Variants in TYW3 observed in about 807,000 individuals in gnomAD.
The protein encoded by TYW3 is tRNA wybutosine-synthesizing protein 3 homolog.
Under a neutral mutation model 23.1 loss-of-function variants are expected in TYW3, and 26 were observed. The observed-to-expected ratio is 1.13, with a 90% CI of 0.83 to 1.56. The LOEUF is 1.56. TYW3 is among the 40% of genes most tolerant of loss of function. The probability of loss-of-function intolerance (pLI) is 0.00; values close to 1 mark genes in which losing one functional copy is unlikely to be tolerated. For synonymous variants in TYW3, 102 were observed against 105.7 expected (o/e 0.97, Z 0.21); for missense variants, 316 against 311.9 (o/e 1.01, Z -0.10).
At chr1:74,740,995 G>C (rs941703550) in intron 3 of TYW3, among the ~76,000 whole-genome samples, 1 of 98,872 alleles carries the variant, frequency 1.0e-5, no homozygotes, top group Non-Finnish European at 1.9e-5. Flanking sequence ...CTGCTGGATA[G>C]GGGTGAAGAA....
In TYW3 at chr1:74,738,674, C is replaced by A. The variant is rs531959275; in HGVS notation, c.256-16C>A. The stretch of plus-strand genomic sequence containing the variant: ...GGCCATATACTTGCATCTGATACCA[C>A]TGTTCATTTATTTAGATTGTAGCTC... On this transcript the variant is annotated splice_polypyrimidine_tract_variant and intron_variant, in intron 2 of 5. Coordinates refer to ENST00000370867, the MANE Select transcript of TYW3 (RefSeq NM_138467.3). The A allele has an allele frequency of 1.3e-6, 2 of 1,581,686 alleles. No individual in the cohort carries two copies. Among genetic ancestry groups the A allele is most frequent in the East Asian group, 2.2e-5 (1 of 44,510 alleles).
intron 1 of TYW3, 118 bp from the exon 2 acceptor site, chr1:74,736,424 A>G (rs1557741185): frequency 1.2e-5 from 8 of 648,026 alleles, no homozygotes; most frequent in Admixed American, 4.1e-5. Context: ...TTTTATTAAT[A>G]CTTAAAATCC....
chr1:74,733,258 C>A lies in TYW3; in HGVS notation c.14C>A (p.Ala5Glu), dbSNP rs1482245307. The A allele has an allele frequency of 6.2e-7, 1 of 1,614,006 alleles. No individual in the cohort carries two copies. MDRS[A>E]EFRKWKAQCL... ...AGTCCGTCACCCATGGATCGCAGCG[C>A]GGAGTTCAGGAAATGGAAGGCGCAA... The change falls in exon 1 of 6, where the codon GCG (alanine) becomes GAG (glutamate). Residue 5 changes from alanine to glutamate, a missense_variant. By Grantham distance (107) the Ala-to-Glu change is moderately radical. Coordinates refer to ENST00000370867, the MANE Select transcript of TYW3 (RefSeq NM_138467.3).
At chr1:74,754,707 A>G (rs1648897548) in intron 5 of TYW3, among the ~76,000 whole-genome samples, 1 of 152,130 alleles carries the variant, frequency 6.6e-6, no homozygotes, top group African/African-American at 2.4e-5. Flanking sequence ...GAATATTTTT[A>G]ATAAAAAAAA....
At chr1:74,741,458 A>C (rs1222972607) in intron 3 of TYW3, among the ~76,000 whole-genome samples, 2 of 151,600 alleles carry the variant, frequency 1.3e-5, no homozygotes, top group Non-Finnish European at 2.9e-5. Flanking sequence ...CCAAGATTCC[A>C]CTCCTGCCAT....
At chr1:74,740,670 G>A (rs551635064) in intron 3 of TYW3, among the ~76,000 whole-genome samples, 26 of 152,104 alleles carry the variant, frequency 1.7e-4, no homozygotes, top group African/African-American at 5.3e-4. Context: ...GACACAGAGC[G>A]CTGATTGGTG....
At chr1:74,752,838 T>C (rs1648833235) in intron 5 of TYW3, among the ~76,000 whole-genome samples, 1 of 152,180 alleles carries the variant, frequency 6.6e-6, no homozygotes, top group South Asian at 2.1e-4. Context: ...GGGAACAGCC[T>C]GGTTGACTTT....
At chr1:74,756,465 CAA>C (rs1276678404) in intron 5 of TYW3, among the ~76,000 whole-genome samples, 15 of 152,116 alleles carry the variant, frequency 9.9e-5, no homozygotes, top group Non-Finnish European at 1.5e-4. Flanking sequence ...TATGTTTTAG[CAA>C]AGAGACTGGC....
At chr1:74,744,060 T>TCA (rs1648461242) in intron 3 of TYW3, among the ~76,000 whole-genome samples, 1 of 152,142 alleles carries the variant, frequency 6.6e-6, no homozygotes, top group Non-Finnish European at 1.5e-5. Context: ...CAGGCGTTTT[T>TCA]GTGGTCCTTT....
intron 5 of TYW3, among the ~76,000 whole-genome samples, chr1:74,753,676 C>G (rs1157176432): frequency 6.6e-6 from 1 of 152,098 alleles, no homozygotes; most frequent in Non-Finnish European, 1.5e-5. Context: ...TAATGACTGC[C>G]CTGACCCTGT....
chr1:74,747,304 C>T (rs987440778), intron 3 of TYW3, among the ~76,000 whole-genome samples: 1 of 152,138 alleles, frequency 6.6e-6, no homozygotes, highest in African/African-American at 2.4e-5. Flanking sequence ...AGGTTTGGAG[C>T]TTGAGCAGCT....
intron 3 of TYW3, 74 bp downstream of exon 3, chr1:74,738,862 A>G (rs1415964578): frequency 4.0e-6 from 4 of 1,011,066 alleles, no homozygotes; most frequent in East Asian, 5.1e-5. Context: ...TTAACCTGCT[A>G]TAAATATCAA....
intron 1 of TYW3, among the ~76,000 whole-genome samples, chr1:74,733,901 GC>G (rs1421318230): frequency 6.6e-6 from 1 of 152,152 alleles, no homozygotes; most frequent in African/African-American, 2.4e-5. Context: ...CTCCTAGTGA[GC>G]CCCTCCATTA....
intron 3 of TYW3, among the ~76,000 whole-genome samples, chr1:74,747,636 C>CAA (rs1213918927): frequency 1.6e-5 from 1 of 62,700 alleles, no homozygotes; most frequent in African/African-American, 6.2e-5. Flanking sequence ...GACTCCGTCT[C>CAA]AAAAAAAAAA....
At chr1:74,761,616 G>C (rs1649138871) in intron 5 of TYW3, 1 of 152,014 alleles carries the variant, frequency 6.6e-6, no homozygotes, top group Non-Finnish European at 1.5e-5. Context: ...GGCATGCTCA[G>C]ATTTATGTTT....
intron 2 of TYW3, among the ~76,000 whole-genome samples, chr1:74,737,416 C>T (rs1038352433): frequency 1.3e-5 from 2 of 152,088 alleles, no homozygotes; most frequent in Non-Finnish European, 2.9e-5. Flanking sequence ...TGGAATTGTC[C>T]TGCTTAGATT....
intron 4 of TYW3, among the ~76,000 whole-genome samples, chr1:74,749,689 A>T (rs1049568831): frequency 2.0e-5 from 3 of 152,246 alleles, no homozygotes; most frequent in Non-Finnish European, 4.4e-5. Context: ...AAGCCTGGCC[A>T]GGCGTGGTGG....
At chr1:74,741,699 G>T (rs1648367867) in intron 3 of TYW3, among the ~76,000 whole-genome samples, 1 of 152,208 alleles carries the variant, frequency 6.6e-6, no homozygotes, top group Non-Finnish European at 1.5e-5. Context: ...TCAAGTAGGA[G>T]TTCATTTGTG....
chr1:74,758,379 C>T (rs1649021001), intron 5 of TYW3, among the ~76,000 whole-genome samples: 2 of 152,234 alleles, frequency 1.3e-5, no homozygotes, highest in South Asian at 4.1e-4. Context: ...CTAAATCCCC[C>T]AGCCGTTTTC....
Sources: gnomAD v4.1 joint callset for allele counts (sites outside exome capture counted in the v4.1 genomes callset) on GRCh38, gnomAD v4.1.1 for gene constraint, MANE v1.5 for transcripts, NCBI Gene and HGNC (gene_info 2026-07-23, HGNC 2026-07-21) for gene names.